APBA2: variants seen among roughly 807,000 people sequenced by gnomAD.
The protein encoded by APBA2 is amyloid-beta A4 precursor protein-binding family A member 2.
APBA2 carries 30 observed loss-of-function variants against 75.0 expected under a neutral mutation model. That is an observed-to-expected ratio of 0.40 (90% CI 0.30 to 0.54). The LOEUF (loss-of-function observed/expected upper bound fraction) is 0.54, where lower values mean the gene tolerates loss of function less well. APBA2 is among the 20% of genes least tolerant of loss of function. The probability of loss-of-function intolerance (pLI) is 0.49; values close to 1 mark genes in which losing one functional copy is unlikely to be tolerated. For missense variants in APBA2, 801 were observed against 1,016.1 expected, an observed-to-expected ratio of 0.79 and a Z score of 2.88; for synonymous variants, 444 against 409.6, an observed-to-expected ratio of 1.08 and a Z score of -1.01.
At chr15:28,931,808 G>A (rs1393292452) in intron 2 of APBA2, among the ~76,000 whole-genome samples, 1 of 152,206 alleles carries the variant, frequency 6.6e-6, no homozygotes, top group Non-Finnish European at 1.5e-5. Context: ...TACAATTTTA[G>A]TCTTAATTGT....
chr15:29,098,500 G>T lies in APBA2; in HGVS notation c.1262G>T (p.Gly421Val). ...AKIKKKANSE[G>V]DAQTLTEVDL... ...CACTGTCCTTCTTAGAATTCTGAGG[G>T]GGATGCCCAGACGCTGACGGAAGTG... The change falls in exon 9 of 15, where the codon GGG becomes GTG. Residue 421 changes from glycine to valine, a missense_variant. Coordinates refer to ENST00000683413, the MANE Select transcript of APBA2 (RefSeq NM_001353788.2). 1 of 1,613,956 alleles carries T rather than the reference G, an allele frequency of 6.2e-7. No homozygotes were observed. Among genetic ancestry groups the T allele is most frequent in the Non-Finnish European group, 8.5e-7 (1 of 1,179,856 alleles).
intron 3 of APBA2, among the ~76,000 whole-genome samples, chr15:29,007,676 C>A (rs2039191254): frequency 6.6e-6 from 1 of 152,092 alleles, no homozygotes; most frequent in Admixed American, 6.5e-5. Context: ...TCACAAGATA[C>A]CACCTCATAT....
chr15:29,046,377 C>T lies in APBA2; in HGVS notation c.-40-7468C>T, dbSNP rs1488065625. Among the ~76,000 whole-genome samples the T allele has an allele frequency of 6.6e-6, 1 of 152,206 alleles. No individual in the cohort carries two copies. The highest frequency in any genetic ancestry group is 2.4e-5 in the African/African-American group (1 of 41,460). On this transcript the variant is annotated intron_variant, in intron 3 of 14. Transcript: ENST00000683413. This position sits in a 1 kb window ranked among gnomAD's most constrained non-coding sequence, Gnocchi z 5.0. Reference sequence around the variant, plus strand: ...TTATCTGCTGTGCTCTGAATAGCCCCGTCCTGCCAGGCCACCCACCTTTGC... The same window carrying T: ...TTATCTGCTGTGCTCTGAATAGCCCTGTCCTGCCAGGCCACCCACCTTTGC...
chr15:29,026,263 A>G (rs892057383), intron 3 of APBA2, among the ~76,000 whole-genome samples: 1 of 152,174 alleles, frequency 6.6e-6, no homozygotes, highest in East Asian at 1.9e-4. Context: ...CCCAGCTCAG[A>G]GCACACACTC....
intron 3 of APBA2, among the ~76,000 whole-genome samples, chr15:29,025,533 G>C (rs1248272498): frequency 2.6e-5 from 4 of 151,932 alleles, no homozygotes; most frequent in African/African-American, 9.7e-5. Flanking sequence ...CGGCCTCCCA[G>C]AGTGCTGGGA....
At chr15:29,089,104 C>T (rs2043430842) in intron 6 of APBA2, among the ~76,000 whole-genome samples, 1 of 152,194 alleles carries the variant, frequency 6.6e-6, no homozygotes, top group Non-Finnish European at 1.5e-5. Flanking sequence ...TCACCATGGC[C>T]CATCCTGATG....
intron 10 of APBA2, among the ~76,000 whole-genome samples, chr15:29,104,779 G>A (rs756311644): frequency 5.9e-5 from 9 of 152,198 alleles, no homozygotes; most frequent in Non-Finnish European, 1.2e-4. Flanking sequence ...GGCATCAGAT[G>A]AGTGGAAAGG....
At chr15:29,111,270 G>A (rs541449080) in intron 13 of APBA2, among the ~76,000 whole-genome samples, 2 of 152,196 alleles carry the variant, frequency 1.3e-5, no homozygotes, top group South Asian at 4.2e-4. Context: ...GGGTCTGGAG[G>A]TCCCAGCCCT....
intron 6 of APBA2, among the ~76,000 whole-genome samples, chr15:29,088,912 C>T (rs2043419634): frequency 6.6e-6 from 1 of 152,310 alleles, no homozygotes; most frequent in Admixed American, 6.5e-5. Flanking sequence ...TCTCTGCACC[C>T]TAGGGCCTTT....
At chr15:28,994,509 A>G (rs1032651375) in intron 2 of APBA2, among the ~76,000 whole-genome samples, 1 of 152,220 alleles carries the variant, frequency 6.6e-6, no homozygotes, top group Non-Finnish European at 1.5e-5. Flanking sequence ...TCCCCTGAGC[A>G]GAGGCAAGCA....
chr15:29,034,590 C>T (rs1308055529), intron 3 of APBA2, among the ~76,000 whole-genome samples: 2 of 152,160 alleles, frequency 1.3e-5, no homozygotes, highest in Non-Finnish European at 2.9e-5. Context: ...AGGGTGTATG[C>T]ATGCTATTTG....
In APBA2 at chr15:29,054,509, C is replaced by A. The variant is rs1161014741; in HGVS notation, c.625C>A (p.Pro209Thr). ...EEANGNTGAS[P>T]YRLRRGDGDL... ...GGCCAACGGGAACACCGGCGCCTCC[C>A]CCTACCGCCTGAGGCGTGGGGATGG... The change falls in exon 4 of 15, where the codon CCC becomes ACC. Residue 209 changes from proline to threonine, a missense_variant. Pro to Thr is a conservative substitution (Grantham distance 38, BLOSUM62 -1). Around this residue, in one of 2 missense-constraint regions of APBA2, gnomAD observed 434 missense variants for 471.6 expected, o/e 0.92. Transcript: ENST00000683413. The surrounding 1 kb of genome is among the most constrained non-coding windows in gnomAD (Gnocchi z 6.1). 1 of 1,613,472 alleles carries A rather than the reference C, an allele frequency of 6.2e-7. No individual in the cohort carries two copies. Among genetic ancestry groups the A allele is most frequent in the Non-Finnish European group, 8.5e-7 (1 of 1,179,816 alleles).
intron 3 of APBA2, among the ~76,000 whole-genome samples, chr15:29,017,998 G>T (rs1000681302): frequency 6.6e-6 from 1 of 152,058 alleles, no homozygotes; most frequent in Non-Finnish European, 1.5e-5. Flanking sequence ...GTGAGCCGTG[G>T]TTGTTAATTC....
At chr15:28,915,490 A>T (rs1264172103) in intron 1 of APBA2, among the ~76,000 whole-genome samples, 6 of 140,502 alleles carry the variant, frequency 4.3e-5, no homozygotes, top group Non-Finnish European at 9.3e-5. Flanking sequence ...CACCCCATAC[A>T]CACCACACCC....
At chr15:29,050,345 C>A (rs2041535984) in intron 3 of APBA2, among the ~76,000 whole-genome samples, 1 of 152,054 alleles carries the variant, frequency 6.6e-6, no homozygotes, top group Non-Finnish European at 1.5e-5. Flanking sequence ...CCTAAGTAAA[C>A]AAAATGACTC....
chr15:29,000,450 G>A (rs1451513031), intron 3 of APBA2, among the ~76,000 whole-genome samples: 1 of 152,156 alleles, frequency 6.6e-6, no homozygotes, highest in Non-Finnish European at 1.5e-5. Context: ...GTAGGCACAC[G>A]GACCCCAGTG....
intron 2 of APBA2, among the ~76,000 whole-genome samples, chr15:28,943,410 C>T (rs2035348471): frequency 6.6e-6 from 1 of 152,242 alleles, no homozygotes; most frequent in African/African-American, 2.4e-5. Context: ...TCCATGCCAT[C>T]TCCCATCTGT....
At chr15:28,896,115 A>C (rs2032467359) in intron 1 of APBA2, among the ~76,000 whole-genome samples, 1 of 152,122 alleles carries the variant, frequency 6.6e-6, no homozygotes, top group Non-Finnish European at 1.5e-5. Context: ...TGTCTCAAAA[A>C]AAATATCTGA....
intron 3 of APBA2, among the ~76,000 whole-genome samples, chr15:29,038,748 G>C (rs144535703): frequency 7.0e-6 from 1 of 142,028 alleles, no homozygotes; most frequent in Admixed American, 7.8e-5. Context: ...ATCTTGGCTC[G>C]CTGCAACCTC....
Sources: allele counts gnomAD v4.1 joint callset (sites outside exome capture counted in the v4.1 genomes callset), GRCh38; gene constraint gnomAD v4.1.1; regional missense constraint gnomAD v4.1.1; non-coding constraint Gnocchi (gnomAD v3.1); transcripts MANE v1.5; gene names NCBI Gene and HGNC (gene_info 2026-07-23, HGNC 2026-07-21).